PLCB1: variants seen among roughly 807,000 people sequenced by gnomAD.
PLCB1 encodes the protein 1-phosphatidylinositol 4,5-bisphosphate phosphodiesterase beta-1.
In PLCB1, 46 loss-of-function variants were observed where a neutral mutation model predicts 161.8. The observed-to-expected ratio is 0.28, with a 90% CI of 0.22 to 0.36. PLCB1 has a LOEUF of 0.36. PLCB1 is among the 10% of genes least tolerant of loss of function. The pLI, the probability that PLCB1 is intolerant of heterozygous loss-of-function variation, is 1.00. For synonymous variants in PLCB1, 517 were observed against 503.7 expected (o/e 1.03, Z -0.35); for missense variants, 1,016 against 1,472.5 (o/e 0.69, Z 5.07).
At chr20:8,577,369 C>T (rs1600165037) in intron 3 of PLCB1, among the ~76,000 whole-genome samples, 1 of 145,936 alleles carries the variant, frequency 6.9e-6, no homozygotes, top group East Asian at 2.1e-4. Context: ...ACCCGGGAGG[C>T]GGAGCTTGCA....
intron 27 of PLCB1, among the ~76,000 whole-genome samples, chr20:8,782,723 T>C (rs1324366573): frequency 6.6e-6 from 1 of 152,154 alleles, no homozygotes; most frequent in African/African-American, 2.4e-5. Context: ...ATTAATTTCT[T>C]GTAGAAGAAA....
At chr20:8,834,414 T>C (rs945519594) in intron 31 of PLCB1, among the ~76,000 whole-genome samples, 1 of 151,670 alleles carries the variant, frequency 6.6e-6, no homozygotes, top group Non-Finnish European at 1.5e-5. Context: ...CCCTTACATA[T>C]GTATGTGTAT....
At chr20:8,830,607 C>T (rs1985936110) in intron 31 of PLCB1, among the ~76,000 whole-genome samples, 1 of 152,062 alleles carries the variant, frequency 6.6e-6, no homozygotes, top group African/African-American at 2.4e-5. Context: ...TCAGGACCAC[C>T]CACCCATTAC....
intron 12 of PLCB1, among the ~76,000 whole-genome samples, chr20:8,710,112 G>T (rs1352804176): frequency 1.3e-5 from 2 of 152,158 alleles, no homozygotes; most frequent in African/African-American, 4.8e-5. Context: ...AAGAAAAGAG[G>T]TTTAATTGGC....
At chr20:8,259,378 A>C (rs529384648) in intron 2 of PLCB1, among the ~76,000 whole-genome samples, 55 of 152,148 alleles carry the variant, frequency 3.6e-4, no homozygotes, top group African/African-American at 1.3e-3. Flanking sequence ...GCACTTTGGG[A>C]GGCTGAGGTA....
chr20:8,645,001 TTGA>T (rs528821264), intron 4 of PLCB1, among the ~76,000 whole-genome samples: 70 of 152,344 alleles, frequency 4.6e-4, no homozygotes, highest in African/African-American at 1.6e-3. Flanking sequence ...TCTTATCCTG[TTGA>T]TCTGTAACCT....
chr20:8,207,908 T>C (rs561489053), intron 2 of PLCB1, among the ~76,000 whole-genome samples: 2 of 152,222 alleles, frequency 1.3e-5, no homozygotes, highest in East Asian at 3.9e-4. Context: ...CTGCCTCCTT[T>C]CTCCTCCTGC....
chr20:8,440,083 A>G (rs1369880343), intron 3 of PLCB1, among the ~76,000 whole-genome samples: 1 of 152,228 alleles, frequency 6.6e-6, no homozygotes, highest in African/African-American at 2.4e-5. Flanking sequence ...ATAGTTATGC[A>G]TACTCAGAGC....
intron 3 of PLCB1, among the ~76,000 whole-genome samples, chr20:8,504,372 G>A (rs925919021): frequency 6.6e-6 from 1 of 152,014 alleles, no homozygotes; most frequent in Non-Finnish European, 1.5e-5. Context: ...ACTTCGAAGT[G>A]GGCAGAGACA....
chr20:8,525,545 G>A (rs1046678316), intron 3 of PLCB1, among the ~76,000 whole-genome samples: 6 of 152,136 alleles, frequency 3.9e-5, no homozygotes, highest in East Asian at 3.9e-4. Context: ...CTAATTGACC[G>A]TGTTGTGCCT....
intron 12 of PLCB1, among the ~76,000 whole-genome samples, chr20:8,709,240 G>C (rs1303339917): frequency 6.6e-6 from 1 of 152,030 alleles, no homozygotes; most frequent in Admixed American, 6.6e-5. Flanking sequence ...GCTTTCCCCT[G>C]TTTGTTAATA....
chr20:8,674,479 A>G (rs1990027688), intron 9 of PLCB1, among the ~76,000 whole-genome samples: 1 of 152,130 alleles, frequency 6.6e-6, no homozygotes, highest in Non-Finnish European at 1.5e-5. Flanking sequence ...GCATTACCTC[A>G]TTCTTTTCTG....
chr20:8,555,399 T>C (rs1460959286), intron 3 of PLCB1, among the ~76,000 whole-genome samples: 2 of 152,080 alleles, frequency 1.3e-5, no homozygotes, highest in Admixed American at 1.3e-4. Flanking sequence ...CATCATATCA[T>C]ACAATTCAGA....
At chr20:8,464,882 T>C (rs1281123768) in intron 3 of PLCB1, among the ~76,000 whole-genome samples, 2 of 152,234 alleles carry the variant, frequency 1.3e-5, no homozygotes, top group East Asian at 3.9e-4. Flanking sequence ...TCAGCTGGGG[T>C]TGGAACTTGA....
intron 3 of PLCB1, among the ~76,000 whole-genome samples, chr20:8,520,537 T>G (rs1468095614): frequency 1.3e-5 from 2 of 152,118 alleles, no homozygotes; most frequent in African/African-American, 4.8e-5. Flanking sequence ...ACAATTTACC[T>G]TTAGTAAAAT....
chr20:8,392,489 G>A (rs2122437666), intron 3 of PLCB1, among the ~76,000 whole-genome samples: 1 of 152,224 alleles, frequency 6.6e-6, no homozygotes, highest in African/African-American at 2.4e-5. Context: ...TGCAGCTGAT[G>A]GAATAACCTG....
At chr20:8,720,037 C>T (rs1220916002) in intron 14 of PLCB1, among the ~76,000 whole-genome samples, 3 of 152,124 alleles carry the variant, frequency 2.0e-5, no homozygotes, top group Non-Finnish European at 2.9e-5. Flanking sequence ...TGTCTTTCAA[C>T]ATTTTTTCAA....
chr20:8,502,221 A>G (rs1264294840), intron 3 of PLCB1, among the ~76,000 whole-genome samples: 2 of 152,114 alleles, frequency 1.3e-5, no homozygotes, highest in Non-Finnish European at 2.9e-5. Context: ...CAGTATAGCT[A>G]TTAAAAATAT....
At chr20:8,802,134 C>A (rs749903715) in intron 31 of PLCB1, 1 of 1,612,460 alleles carries the variant, frequency 6.2e-7, no homozygotes, top group South Asian at 1.1e-5. Flanking sequence ...TCCCCCCAAC[C>A]CTCAAGCTCT....
Sources: gnomAD v4.1 joint callset for allele counts (sites outside exome capture counted in the v4.1 genomes callset) on GRCh38, gnomAD v4.1.1 for gene constraint, MANE v1.5 for transcripts, NCBI Gene and HGNC (gene_info 2026-07-23, HGNC 2026-07-21) for gene names.